The following DAB1 variants were observed in gnomAD, a reference collection of about 807,000 sequenced individuals.
The protein encoded by DAB1 is disabled homolog 1.
Under a neutral mutation model 64.6 loss-of-function variants are expected in DAB1, and 15 were observed. The observed-to-expected ratio is 0.23, with a 90% CI of 0.16 to 0.36. The LOEUF (loss-of-function observed/expected upper bound fraction) is 0.36, where lower values mean the gene tolerates loss of function less well. DAB1 is among the 10% of genes least tolerant of loss of function. The pLI, the probability that DAB1 is intolerant of heterozygous loss-of-function variation, is 1.00. For synonymous variants in DAB1, 235 were observed against 251.9 expected, an observed-to-expected ratio of 0.93 and a Z score of 0.64; for missense variants, 596 against 706.7, an observed-to-expected ratio of 0.84 and a Z score of 1.78.
At chr1:58,446,653 ATGC>A (rs1645070927) in intron 3 of DAB1, among the ~76,000 whole-genome samples, 1 of 152,224 alleles carries the variant, frequency 6.6e-6, no homozygotes, top group Non-Finnish European at 1.5e-5. Context: ...CTTCTGAGAA[ATGC>A]TGGACTAGAT....
At chr1:58,406,718 CCCA>C (rs71766220) in intron 3 of DAB1, among the ~76,000 whole-genome samples, 38,071 of 89,508 alleles carry the variant, frequency 0.43, 4,905 homozygotes, top group Non-Finnish European at 0.46. Flanking sequence ...ATCCCCCCCC[CCCA>C]ACTGCCACCA....
At chr1:57,549,385 C>G (rs756660127) in intron 7 of DAB1, among the ~76,000 whole-genome samples, 1 of 152,160 alleles carries the variant, frequency 6.6e-6, no homozygotes, top group Non-Finnish European at 1.5e-5. Context: ...TGAACAGCAG[C>G]GGGTCTGTGA....
At chr1:57,526,861 A>C (rs1334553695) in intron 7 of DAB1, among the ~76,000 whole-genome samples, 1 of 152,154 alleles carries the variant, frequency 6.6e-6, no homozygotes, top group Non-Finnish European at 1.5e-5. Flanking sequence ...GCGAATTATT[A>C]TTATCTTTTT....
At chr1:57,480,587 T>C (rs1409957525) in intron 7 of DAB1, among the ~76,000 whole-genome samples, 1 of 151,792 alleles carries the variant, frequency 6.6e-6, no homozygotes, top group African/African-American at 2.4e-5. Context: ...CAGGTTCAAA[T>C]GATTCTCCTG....
chr1:58,239,875 G>A (rs183490722), intron 4 of DAB1, among the ~76,000 whole-genome samples: 2 of 152,266 alleles, frequency 1.3e-5, no homozygotes, highest in East Asian at 3.9e-4. Flanking sequence ...CAGCCAAGAA[G>A]ACCAAAGGTT....
intron 5 of DAB1, among the ~76,000 whole-genome samples, chr1:58,094,863 G>A (rs1650887879): frequency 6.6e-6 from 1 of 152,216 alleles, no homozygotes; most frequent in African/African-American, 2.4e-5. Flanking sequence ...GGCCTGAGAT[G>A]TTGTATTTCT....
At chr1:58,221,358 C>A (rs149127419) in intron 4 of DAB1, among the ~76,000 whole-genome samples, 28 of 152,272 alleles carry the variant, frequency 1.8e-4, no homozygotes, top group African/African-American at 6.7e-4. Flanking sequence ...ATTCAAAGAG[C>A]TGTATTGAAA....
In DAB1 at chr1:57,850,452, GTTTTT is replaced by G. The variant is rs5774375; in HGVS notation, n.88-24002_88-23998del. Among the ~76,000 whole-genome samples the G allele has an allele frequency of 3.4e-5, 5 of 147,096 alleles. No homozygotes were observed. In the South Asian group the frequency reaches 6.5e-4, roughly 19 times the overall value. On this transcript the variant is annotated intron_variant and non_coding_transcript_variant, in intron 1 of 1. Coordinates refer to the DAB1 transcript ENST00000477280. ...GGATTGTGTAACTTCAGATAATGTA[GTTTTT>G]TTTTTTTTTTTAACTGAGAAAATGA...
At chr1:57,744,805 C>T (rs1570788684) in intron 6 of DAB1, among the ~76,000 whole-genome samples, 1 of 152,114 alleles carries the variant, frequency 6.6e-6, no homozygotes, top group South Asian at 2.1e-4. Flanking sequence ...AAACTATGGC[C>T]GAGGACATGG....
intron 7 of DAB1, among the ~76,000 whole-genome samples, chr1:57,563,118 G>T (rs763724042): frequency 2.6e-5 from 4 of 152,108 alleles, no homozygotes; most frequent in Non-Finnish European, 5.9e-5. Flanking sequence ...AAAACACCTT[G>T]ACCTGCTGAG....
At chr1:57,899,104 A>G (rs1245038188) in intron 5 of DAB1, among the ~76,000 whole-genome samples, 1 of 152,110 alleles carries the variant, frequency 6.6e-6, no homozygotes, top group African/African-American at 2.4e-5. Context: ...ATATGTAGAA[A>G]ATTCAACTTT....
intron 5 of DAB1, among the ~76,000 whole-genome samples, chr1:57,952,394 C>G (rs1287791553): frequency 6.6e-6 from 1 of 152,128 alleles, no homozygotes; most frequent in African/African-American, 2.4e-5. Context: ...CCCAACAGCT[C>G]CACTCCTCCT....
intron 7 of DAB1, among the ~76,000 whole-genome samples, chr1:57,486,667 C>T (rs1644095826): frequency 6.6e-6 from 1 of 152,104 alleles, no homozygotes; most frequent in South Asian, 2.1e-4. Flanking sequence ...CTCCCCCCGA[C>T]TCTATCCTAT....
At chr1:57,538,411 C>A (rs1644756478) in intron 7 of DAB1, among the ~76,000 whole-genome samples, 2 of 152,114 alleles carry the variant, frequency 1.3e-5, no homozygotes, top group Admixed American at 1.3e-4. Context: ...TGGGCCCTAC[C>A]TCCCTCCCTG....
chr1:57,953,091 G>T (rs555326610), intron 5 of DAB1, among the ~76,000 whole-genome samples: 3 of 152,188 alleles, frequency 2.0e-5, no homozygotes, highest in Non-Finnish European at 4.4e-5. Flanking sequence ...CTTTCATTAA[G>T]TCCTCATATT....
intron 4 of DAB1, among the ~76,000 whole-genome samples, chr1:58,322,367 T>A (rs1278715876): frequency 6.6e-6 from 1 of 151,962 alleles, no homozygotes; most frequent in Non-Finnish European, 1.5e-5. Context: ...ATCCAGAATC[T>A]ACAAGGAACT....
chr1:57,090,255 T>C (rs1467262277), intron 4 of DAB1, among the ~76,000 whole-genome samples: 3 of 152,154 alleles, frequency 2.0e-5, no homozygotes, highest in African/African-American at 4.8e-5. Context: ...GAGCCCTTAA[T>C]TGCAGCAGAA....
intron 4 of DAB1, among the ~76,000 whole-genome samples, chr1:58,215,831 T>C (rs1182611229): frequency 2.6e-5 from 4 of 152,158 alleles, no homozygotes; most frequent in African/African-American, 4.8e-5. Flanking sequence ...GGAGTGGGGC[T>C]CTGAACTGTG....
chr1:57,311,172 A>T lies in DAB1; in HGVS notation c.-136-20006T>A, dbSNP rs569822825. ...AAGTGTCACCCAGCGTGAGAAGGGC[A>T]ACACGGCCTTATAATGGCTGTTGCT... is the stretch of plus-strand genomic sequence containing the variant. On this transcript the variant is annotated intron_variant, in intron 1 of 14. Transcript: ENST00000371236. Among the ~76,000 whole-genome samples, 9 of 152,290 alleles carry T rather than the reference A, an allele frequency of 5.9e-5. 1 individual carries two copies. In the South Asian group the frequency reaches 1.9e-3, roughly 32 times the overall value.
Sources: allele counts gnomAD v4.1 joint callset (sites outside exome capture counted in the v4.1 genomes callset), GRCh38; gene constraint gnomAD v4.1.1; transcripts MANE v1.5; gene names NCBI Gene and HGNC (gene_info 2026-07-23, HGNC 2026-07-21).